The following PRELP variants were observed in gnomAD, a reference collection of about 807,000 sequenced individuals.
The protein encoded by PRELP is proline and arginine rich end leucine rich repeat protein.
Under a neutral mutation model 22.8 loss-of-function variants are expected in PRELP, and 16 were observed. That is an observed-to-expected ratio of 0.70 (90% CI 0.47 to 1.06). PRELP has a LOEUF of 1.06. PRELP is among the 50% of genes least tolerant of loss of function. The pLI is 0.00. For missense variants in PRELP, 434 were observed against 485.2 expected, an observed-to-expected ratio of 0.89 and a Z score of 0.99; for synonymous variants, 233 against 211.4, an observed-to-expected ratio of 1.10 and a Z score of -0.89.
At chr1:203,484,667 T>G (rs1202472884) in intron 2 of PRELP, among the ~76,000 whole-genome samples, 1 of 152,240 alleles carries the variant, frequency 6.6e-6, no homozygotes, top group Non-Finnish European at 1.5e-5. Flanking sequence ...TGGGTTTTGA[T>G]TCAGGGTATG....
In PRELP at chr1:203,484,156, G is replaced by C; in HGVS notation, c.972G>C (p.Glu324Asp). 2 of 1,444,304 alleles carry C rather than the reference G, an allele frequency of 1.4e-6. No homozygotes were observed. The highest frequency in any genetic ancestry group is 1.9e-6 in the Non-Finnish European group (2 of 1,045,900). 89.5% of individuals were successfully genotyped at this position (1,444,304 alleles called of 1,614,324 possible). The change falls in exon 2 of 3, where the codon GAG becomes GAC. Residue 324 changes from glutamate to aspartate, a missense_variant and splice_region_variant. Coordinates refer to ENST00000343110, the MANE Select transcript of PRELP (RefSeq NM_002725.4). ...EHLYLNNNSI[E>D]KINGTQICPN... The stretch of plus-strand genomic sequence containing the variant: ...TGTACCTCAACAACAATAGCATCGA[G>C]AGTGAGTGGGGTGGGCCGGGGCGGG...
rs1297650566 is a variant in PRELP at position 203,488,673 on chromosome 1, C to T, written c.*1792C>T. On this transcript the variant is annotated 3_prime_UTR_variant, in exon 3 of 3. Transcript: ENST00000343110. ...AATTTATTTTCTGTATGGACTGTCC[C>T]TCCCCCAGAGGCTTCCCCACCCTCC... 1.3e-5 allele frequency: 2 copies of T among 152,162 alleles called. No individual in the cohort carries two copies. Among genetic ancestry groups the T allele is most frequent in the African/African-American group, 2.4e-5 (1 of 41,422 alleles). The allele number at this position is 152,162 out of a possible 1,614,324, so 9.4% of individuals were successfully genotyped here. A position where few individuals can be genotyped will look rare whatever the true frequency, so the allele number is the denominator to read the frequency against.
chr1:203,481,049 C>T (rs1660991953), intron 1 of PRELP, among the ~76,000 whole-genome samples: 1 of 149,274 alleles, frequency 6.7e-6, no homozygotes, highest in African/African-American at 2.5e-5. Flanking sequence ...GCCACAGTGC[C>T]TCACTGCTTT....
Position 203,483,239 on chromosome 1 carries a change from C to T in PRELP, c.55C>T (p.Gln19Ter). Residue 19 changes from glutamine (Q) to a stop codon, truncating the protein, a stop_gained, in exon 2 of 3, where the codon CAA (glutamine) becomes TAA (stop). Coordinates refer to ENST00000343110, the MANE Select transcript of PRELP (RefSeq NM_002725.4). LOFTEE classifies it high-confidence loss of function. This position sits in a 1 kb window ranked among gnomAD's most constrained non-coding sequence, Gnocchi z 4.4. Reference sequence around the variant, plus strand: ...ACTTCTCATCTTGGCCTCAGTGGCCCAAGGCCAGCCAACAAGACGACCAAG... The same window carrying T: ...ACTTCTCATCTTGGCCTCAGTGGCCTAAGGCCAGCCAACAAGACGACCAAG... ...LPLLILASVA[Q>*]GQPTRRPRPG... 6.3e-7 allele frequency: 1 copy of T among 1,591,280 alleles called. No homozygotes were observed. Among genetic ancestry groups the T allele is most frequent in the Non-Finnish European group, 8.5e-7 (1 of 1,171,594 alleles).
intron 1 of PRELP, among the ~76,000 whole-genome samples, chr1:203,480,801 A>G (rs1660986917): frequency 6.6e-6 from 1 of 152,222 alleles, no homozygotes; most frequent in Non-Finnish European, 1.5e-5. Flanking sequence ...GGCTAGGCCC[A>G]GAGGTTTGGA....
chr1:203,484,168 T>TGGGGGG lies in PRELP; in HGVS notation c.973+14_973+15insGGGGGG. 1 of 576,390 alleles carries TGGGGGG rather than the reference T, an allele frequency of 1.7e-6. No homozygotes were observed. The highest frequency in any genetic ancestry group is 3.9e-5 in the East Asian group (1 of 25,326). The allele number at this position is 576,390 out of a possible 1,614,324, so 35.7% of individuals were successfully genotyped here. A position where few individuals can be genotyped will look rare whatever the true frequency, so the allele number is the denominator to read the frequency against. ...ACAATAGCATCGAGAGTGAGTGGGG[T>TGGGGGG]GGGCCGGGGCGGGGCCGAAGGCAAG... On this transcript the variant is annotated intron_variant, in intron 2 of 2. Transcript: ENST00000343110.
chr1:203,478,678 G>T (rs1169225570), intron 1 of PRELP, among the ~76,000 whole-genome samples: 2 of 152,112 alleles, frequency 1.3e-5, no homozygotes, highest in African/African-American at 4.8e-5. Context: ...ACTAGGTAGT[G>T]GTGGAGGGGT....
In PRELP at chr1:203,490,095, T is replaced by A. The variant is rs1661165490; in HGVS notation, c.*3214T>A. On this transcript the variant is annotated 3_prime_UTR_variant, in exon 3 of 3. Transcript: ENST00000343110. ...AAAGATTATACTCTTAAGAAATTCC[T>A]ACGAAAGCTATCCAAAAGCCTTTTC... 6.6e-6 allele frequency: 1 copy of A among 152,022 alleles called. No individual in the cohort carries two copies. The highest frequency in any genetic ancestry group is 6.5e-5 in the Admixed American group (1 of 15,268). The allele number at this position is 152,022 out of a possible 1,614,324, so 9.4% of individuals were successfully genotyped here.
At chr1:203,478,944 G>A (rs1660954574) in intron 1 of PRELP, among the ~76,000 whole-genome samples, 1 of 152,084 alleles carries the variant, frequency 6.6e-6, no homozygotes. Context: ...ACACCCTTCT[G>A]GACTACAGGA....
rs2102214690 is a variant in PRELP at position 203,490,528 on chromosome 1, A to G, written c.*3647A>G. ...ACGGTCGTCTTTCCTGCCCAAGTAA[A>G]GCTTACAGACTAACTGGGGAGATGT... On this transcript the variant is annotated 3_prime_UTR_variant, in exon 3 of 3. Coordinates refer to ENST00000343110, the MANE Select transcript of PRELP (RefSeq NM_002725.4). 6.6e-6 allele frequency: 1 copy of G among 152,342 alleles called. No individual in the cohort carries two copies. Among genetic ancestry groups the G allele is most frequent in the Non-Finnish European group, 1.5e-5 (1 of 68,026 alleles). 9.4% of individuals were successfully genotyped at this position (152,342 alleles called of 1,614,324 possible).
chr1:203,479,280 C>T (rs919574530), intron 1 of PRELP, among the ~76,000 whole-genome samples: 13 of 152,202 alleles, frequency 8.5e-5, no homozygotes, highest in Non-Finnish European at 1.8e-4. Context: ...TAAATAGCTG[C>T]TCCTAATGAC....
chr1:203,478,111 CT>C (rs1206782243), intron 1 of PRELP, among the ~76,000 whole-genome samples: 1 of 152,222 alleles, frequency 6.6e-6, no homozygotes, highest in Non-Finnish European at 1.5e-5. Flanking sequence ...AAAACACTCA[CT>C]TTGCATGTAT....
rs1162675148 is a variant in PRELP at position 203,488,316 on chromosome 1, C to G, written c.*1435C>G. On this transcript the variant is annotated 3_prime_UTR_variant, in exon 3 of 3. Transcript: ENST00000343110. ...AGATTATTGCCTGAGCTCAGGAGTT[C>G]GAAACCACCCTGGGCAACATGGTGA... 1 of 152,176 alleles carries G rather than the reference C, an allele frequency of 6.6e-6. No homozygotes were observed. The highest frequency in any genetic ancestry group is 1.5e-5 in the Non-Finnish European group (1 of 68,076). 9.4% of individuals were successfully genotyped at this position (152,176 alleles called of 1,614,324 possible). A position where few individuals can be genotyped will look rare whatever the true frequency, so the allele number is the denominator to read the frequency against.
chr1:203,482,100 T>C (rs576973137), intron 1 of PRELP, among the ~76,000 whole-genome samples: 1 of 152,268 alleles, frequency 6.6e-6, no homozygotes, highest in East Asian at 1.9e-4. Flanking sequence ...TTATAGGATC[T>C]TTAAGGACCT....
chr1:203,479,875 C>A lies in PRELP; in HGVS notation c.-16-3294C>A, dbSNP rs570643429. 3.9e-5 allele frequency among the ~76,000 whole-genome samples: 6 copies of A among 152,058 alleles called. No homozygotes were observed. The South Asian group carries it at 1.0e-3, about 26-fold the overall frequency. On this transcript the variant is annotated intron_variant, in intron 1 of 2. Coordinates refer to ENST00000343110, the MANE Select transcript of PRELP (RefSeq NM_002725.4). ...ATTTGATCCTCACACAGATGAGGAG[C>A]CCGGGTTGGAGAGTCAGAGCCAGGA...
chr1:203,487,590 A>G lies in PRELP; in HGVS notation c.*709A>G, dbSNP rs1440510760. 6.5e-6 allele frequency: 1 copy of G among 152,812 alleles called. No homozygotes were observed. Among genetic ancestry groups the G allele is most frequent in the African/African-American group, 2.4e-5 (1 of 41,464 alleles). The allele number at this position is 152,812 out of a possible 1,614,324, so 9.5% of individuals were successfully genotyped here. A position where few individuals can be genotyped will look rare whatever the true frequency, so the allele number is the denominator to read the frequency against. On this transcript the variant is annotated 3_prime_UTR_variant, in exon 3 of 3. Coordinates refer to ENST00000343110, the MANE Select transcript of PRELP (RefSeq NM_002725.4). ...CCCTCCTGGCTGGGCCTCAGGAGGA[A>G]CAGCCAAGGAGAAGAATGGCCCAAG...
In PRELP at chr1:203,486,824, G is replaced by A. The variant is rs960038104; in HGVS notation, c.1092G>A (p.Pro364=). The change falls in exon 3 of 3, where the codon CCG becomes CCA. Residue 364 remains proline (P), a synonymous_variant. Transcript: ENST00000343110. ...GGCTGGATGGAAACTACTTGAAGCC[G>A]CCCATCCCGCTGGACCTCATGATGT... ...YLRLDGNYLK[P]PIPLDLMMCF... is the part of the protein sequence containing the mutation. 1.2e-6 allele frequency: 2 copies of A among 1,614,118 alleles called. No individual in the cohort carries two copies. The highest frequency in any genetic ancestry group is 2.2e-5 in the East Asian group (1 of 44,886).
chr1:203,486,857 C>T lies in PRELP; in HGVS notation c.1125C>T (p.Arg375=). 2 of 1,614,064 alleles carry T rather than the reference C, an allele frequency of 1.2e-6. No individual in the cohort carries two copies. Among genetic ancestry groups the T allele is most frequent in the Non-Finnish European group, 1.7e-6 (2 of 1,179,968 alleles). The part of the protein sequence containing the change: ...PIPLDLMMCF[R]LLQSVVI ...CGCTGGACCTCATGATGTGCTTCCG[C>T]CTCCTGCAGTCCGTGGTCATCTAGG... Residue 375 remains arginine (R), a synonymous_variant, in exon 3 of 3, where the codon CGC becomes CGT. Coordinates refer to ENST00000343110, the MANE Select transcript of PRELP (RefSeq NM_002725.4).
intron 1 of PRELP, among the ~76,000 whole-genome samples, chr1:203,482,153 TC>T (rs1168946545): frequency 1.3e-5 from 2 of 152,114 alleles, no homozygotes; most frequent in African/African-American, 4.8e-5. Flanking sequence ...CATCCTAACA[TC>T]CCTCTCATGA....
Sources: allele counts gnomAD v4.1 joint callset (sites outside exome capture counted in the v4.1 genomes callset), GRCh38; gene constraint gnomAD v4.1.1; non-coding constraint Gnocchi (gnomAD v3.1); transcripts MANE v1.5; gene names NCBI Gene and HGNC (gene_info 2026-07-23, HGNC 2026-07-21).